Variants in VAT1L observed in about 807,000 individuals in gnomAD.
VAT1L encodes vesicle amine transport 1 like.
A neutral mutation model predicts 44.1 loss-of-function variants in VAT1L; 34 were observed. The ratio of observed to expected loss-of-function variants is 0.77; its 90% CI spans 0.59 to 1.03. The LOEUF is 1.03. Ranked by LOEUF, VAT1L falls within the 50% of genes least tolerant of loss-of-function variation. The pLI, the probability that VAT1L is intolerant of heterozygous loss-of-function variation, is 0.00. For synonymous variants in VAT1L, 253 were observed against 202.2 expected (o/e 1.25, Z -2.13); for missense variants, 615 against 538.8 (o/e 1.14, Z -1.40).
intron 2 of VAT1L, 49 bp from the exon 3 acceptor site, chr16:77,825,197 C>T: frequency 6.2e-7 from 1 of 1,601,666 alleles, no homozygotes; most frequent in Non-Finnish European, 8.5e-7. Flanking sequence ...TCTCCTTGAG[C>T]CTCTGTCATG....
At chr16:77,963,254 G>C (rs2018182992) in intron 7 of VAT1L, among the ~76,000 whole-genome samples, 1 of 152,178 alleles carries the variant, frequency 6.6e-6, no homozygotes, top group Non-Finnish European at 1.5e-5. Context: ...ATTAAGTTAG[G>C]GACTTGGGGA....
chr16:77,884,715 C>A lies in VAT1L; in HGVS notation c.990C>A (p.Leu330=), dbSNP rs1416002021. ...NLLFKQGRAG[L]IRGVVEKLIG... ...TCTTCAAACAAGGCCGGGCGGGCCTCATTCGGGGAGTGGTGGAAAAACTCA... is the reference window on the plus strand; with the variant it reads ...TCTTCAAACAAGGCCGGGCGGGCCTAATTCGGGGAGTGGTGGAAAAACTCA... The change falls in exon 7 of 9, where the codon CTC becomes CTA. Residue 330 remains leucine, a synonymous_variant. Transcript: ENST00000302536. This position sits in a 1 kb window ranked among gnomAD's most constrained non-coding sequence, Gnocchi z 4.5. The A allele has an allele frequency of 6.2e-7, 1 of 1,609,376 alleles. No individual in the cohort carries two copies. Among genetic ancestry groups the A allele is most frequent in the Non-Finnish European group, 8.5e-7 (1 of 1,177,896 alleles).
intron 3 of VAT1L, among the ~76,000 whole-genome samples, chr16:77,853,672 G>A (rs919210138): frequency 2.0e-5 from 3 of 152,042 alleles, no homozygotes; most frequent in African/African-American, 7.2e-5. Flanking sequence ...GATTCCATAA[G>A]TCTGGGTTGG....
intron 3 of VAT1L, 68 bp downstream of exon 3, chr16:77,825,529 G>A (rs889770347): frequency 4.6e-6 from 7 of 1,506,140 alleles, no homozygotes; most frequent in Non-Finnish European, 6.3e-6. Context: ...ACACCCCCCT[G>A]AGGTCTTATG....
chr16:77,914,720 C>G (rs2017534771), intron 7 of VAT1L, among the ~76,000 whole-genome samples: 1 of 152,004 alleles, frequency 6.6e-6, no homozygotes, highest in South Asian at 2.1e-4. Flanking sequence ...GTTATTGAAG[C>G]TGAAAGAGGT....
At chr16:77,862,571 G>C (rs552871256) in intron 3 of VAT1L, among the ~76,000 whole-genome samples, 177 bp from the exon 4 acceptor site, 2 of 143,194 alleles carry the variant, frequency 1.4e-5, no homozygotes, top group African/African-American at 2.6e-5. Context: ...AGCCGAGATC[G>C]CACCACTGCA....
At chr16:77,855,169 G>A (rs1597068435) in intron 3 of VAT1L, among the ~76,000 whole-genome samples, 1 of 151,858 alleles carries the variant, frequency 6.6e-6, no homozygotes, top group Non-Finnish European at 1.5e-5. Context: ...GTGAAACTCC[G>A]TCTCTACTAA....
At chr16:77,796,080 C>A (rs1171325358) in intron 1 of VAT1L, among the ~76,000 whole-genome samples, 1 of 152,132 alleles carries the variant, frequency 6.6e-6, no homozygotes, top group Non-Finnish European at 1.5e-5. Flanking sequence ...CCCGCCTCGG[C>A]CTCCCAAAGT....
intron 6 of VAT1L, among the ~76,000 whole-genome samples, chr16:77,881,375 G>T (rs755681534): frequency 1.3e-5 from 2 of 152,138 alleles, no homozygotes; most frequent in African/African-American, 4.8e-5. Flanking sequence ...ACTAATGAGG[G>T]AGACAAACCC....
intron 7 of VAT1L, among the ~76,000 whole-genome samples, chr16:77,885,681 ATGG>A (rs2142462307): frequency 1.3e-5 from 2 of 152,036 alleles, no homozygotes; most frequent in South Asian, 4.2e-4. Context: ...GAAGTGCCTT[ATGG>A]TACAAGTACT....
chr16:77,851,115 G>C (rs1172016567), intron 3 of VAT1L, among the ~76,000 whole-genome samples: 1 of 152,164 alleles, frequency 6.6e-6, no homozygotes, highest in Non-Finnish European at 1.5e-5. Context: ...AGCAAGAGAT[G>C]GCCACACTCT....
chr16:77,973,883 G>A (rs2018307058), intron 8 of VAT1L, among the ~76,000 whole-genome samples: 1 of 151,980 alleles, frequency 6.6e-6, no homozygotes, highest in South Asian at 2.1e-4. Flanking sequence ...CTGCCACCAT[G>A]CCTGGCTAAT....
intron 7 of VAT1L, among the ~76,000 whole-genome samples, chr16:77,946,663 A>G (rs1116589): frequency 0.14 from 20,558 of 152,260 alleles, 1,455 homozygotes; most frequent in Middle Eastern, 0.22. Context: ...TGTTGTAGCT[A>G]TACCAACAAA....
rs553657624 is a variant in VAT1L at position 77,921,710 on chromosome 16, C to T, written c.1077+36908C>T. The stretch of plus-strand genomic sequence containing the variant: ...GCACTTGTACTAAGTCACCTCAAAT[C>T]CTACTTGAATAAGTAACAATCAAGG... On this transcript the variant is annotated intron_variant, in intron 7 of 8. Transcript: ENST00000302536. Among the ~76,000 whole-genome samples the T allele has an allele frequency of 7.2e-5, 11 of 152,288 alleles. No homozygotes were observed. The South Asian group carries it at 2.3e-3, about 32-fold the overall frequency.
At chr16:77,967,517 G>A (rs1310569779) in intron 7 of VAT1L, among the ~76,000 whole-genome samples, 1 of 152,208 alleles carries the variant, frequency 6.6e-6, no homozygotes, top group Non-Finnish European at 1.5e-5. Context: ...AATGCACACA[G>A]CGTGAATAGG....
At chr16:77,963,605 C>G (rs2018188149) in intron 7 of VAT1L, among the ~76,000 whole-genome samples, 1 of 151,826 alleles carries the variant, frequency 6.6e-6, no homozygotes, top group Admixed American at 6.6e-5. Flanking sequence ...AAAACCTTAC[C>G]TTCACTTCGT....
chr16:77,863,904 G>A (rs1400811037), intron 4 of VAT1L, among the ~76,000 whole-genome samples: 1 of 152,178 alleles, frequency 6.6e-6, no homozygotes, highest in Admixed American at 6.5e-5. Context: ...AGACTAAAAT[G>A]GGGCTATGAT....
At chr16:77,872,065 G>A (rs2017038781) in intron 4 of VAT1L, among the ~76,000 whole-genome samples, 2 of 152,154 alleles carry the variant, frequency 1.3e-5, no homozygotes, top group African/African-American at 2.4e-5. Flanking sequence ...TAAAGAAAAT[G>A]TAGGTGTTAT....
At chr16:77,808,877 G>A (rs1321863429) in intron 1 of VAT1L, among the ~76,000 whole-genome samples, 8 of 152,154 alleles carry the variant, frequency 5.3e-5, no homozygotes, top group African/African-American at 9.7e-5. Flanking sequence ...GATTATAGGC[G>A]TGAGCCACCG....
Sources: gnomAD v4.1 joint callset for allele counts (sites outside exome capture counted in the v4.1 genomes callset) on GRCh38, gnomAD v4.1.1 for gene constraint, Gnocchi (gnomAD v3.1) non-coding constraint, MANE v1.5 for transcripts, NCBI Gene and HGNC (gene_info 2026-07-23, HGNC 2026-07-21) for gene names.